CCDC7: variants seen among roughly 807,000 people sequenced by gnomAD.
The protein encoded by CCDC7 is coiled-coil domain-containing protein 7.
In CCDC7, 183 loss-of-function variants were observed where a neutral mutation model predicts 196.9. That is an observed-to-expected ratio of 0.93 (90% CI 0.82 to 1.05). CCDC7 has a LOEUF of 1.05. CCDC7 is among the 50% of genes least tolerant of loss of function. The pLI is 0.00. For missense variants in CCDC7, 1,540 were observed against 1,482.2 expected, an observed-to-expected ratio of 1.04 and a Z score of -0.64; for synonymous variants, 525 against 484.6, an observed-to-expected ratio of 1.08 and a Z score of -1.10.
intron 18 of CCDC7, among the ~76,000 whole-genome samples, chr10:32,605,863 C>G (rs1262754820): frequency 1.5e-5 from 2 of 137,632 alleles, no homozygotes; most frequent in African/African-American, 5.1e-5. Flanking sequence ...AAAAGAAAAG[C>G]CTGTTTTCAG....
At chr10:32,736,512 G>A (rs1313970672) in intron 28 of CCDC7, among the ~76,000 whole-genome samples, 2 of 152,032 alleles carry the variant, frequency 1.3e-5, no homozygotes, top group East Asian at 1.9e-4. Context: ...CTAGCATTAG[G>A]TATATCTCCC....
chr10:32,658,293 A>C (rs2070421308), intron 20 of CCDC7, among the ~76,000 whole-genome samples: 1 of 152,236 alleles, frequency 6.6e-6, no homozygotes, highest in Non-Finnish European at 1.5e-5. Flanking sequence ...TAGGTAATTT[A>C]TAGAAAAGAA....
intron 18 of CCDC7, among the ~76,000 whole-genome samples, chr10:32,617,648 AG>A (rs2062926748): frequency 6.6e-6 from 1 of 152,066 alleles, no homozygotes; most frequent in African/African-American, 2.4e-5. Flanking sequence ...TAGTCTGAGA[AG>A]ACACTTGATA....
At chr10:32,483,185 A>G (rs2040316623) in intron 8 of CCDC7, among the ~76,000 whole-genome samples, 1 of 152,186 alleles carries the variant, frequency 6.6e-6, no homozygotes, top group Non-Finnish European at 1.5e-5. Flanking sequence ...TTTAATGATC[A>G]CCATTCTAAC....
At chr10:32,476,718 A>G (rs1360018304) in intron 8 of CCDC7, among the ~76,000 whole-genome samples, 1 of 152,240 alleles carries the variant, frequency 6.6e-6, no homozygotes, top group African/African-American at 2.4e-5. Flanking sequence ...CTTTGTCAGC[A>G]TTTAGAATTG....
intron 13 of CCDC7, among the ~76,000 whole-genome samples, chr10:32,549,825 A>G (rs1321029516): frequency 2.0e-5 from 3 of 152,108 alleles, no homozygotes; most frequent in African/African-American, 7.2e-5. Context: ...GCCTTATAGT[A>G]TAGTTTGAAA....
chr10:32,812,869 A>G (rs2087470731), intron 30 of CCDC7, among the ~76,000 whole-genome samples: 1 of 152,126 alleles, frequency 6.6e-6, no homozygotes, highest in African/African-American at 2.4e-5. Flanking sequence ...AGAAAGAACA[A>G]AGGAAGCTAA....
intron 6 of CCDC7, 95 bp downstream of exon 7, chr10:32,471,325 A>G: frequency 2.1e-6 from 3 of 1,399,612 alleles, no homozygotes; most frequent in Admixed American, 5.8e-5. Context: ...TATGATGGCT[A>G]TACACAGAGC....
At chr10:32,566,067 AT>A (rs2136902976) in intron 14 of CCDC7, among the ~76,000 whole-genome samples, 1 of 152,316 alleles carries the variant, frequency 6.6e-6, no homozygotes, top group Non-Finnish European at 1.5e-5. Flanking sequence ...AGCTATAAGC[AT>A]TTCATAAATG....
At chr10:32,508,443 A>G (rs1028643384) in intron 9 of CCDC7, among the ~76,000 whole-genome samples, 1 of 152,236 alleles carries the variant, frequency 6.6e-6, no homozygotes, top group African/African-American at 2.4e-5. Flanking sequence ...AAGAGTTAAT[A>G]GTGTTGCAAA....
intron 33 of CCDC7, among the ~76,000 whole-genome samples, chr10:32,841,218 T>C (rs2092950167): frequency 6.6e-6 from 1 of 152,042 alleles, no homozygotes; most frequent in Admixed American, 6.6e-5. Flanking sequence ...TGTAACTGTT[T>C]GCTGATGATA....
At chr10:32,710,659 G>T (rs1401725001) in intron 24 of CCDC7, among the ~76,000 whole-genome samples, 1 of 152,176 alleles carries the variant, frequency 6.6e-6, no homozygotes, top group Non-Finnish European at 1.5e-5. Flanking sequence ...CCATGGGACA[G>T]TCAGACTCTT....
intron 9 of CCDC7, chr10:32,512,022 A>G: frequency 5.2e-6 from 2 of 385,476 alleles, no homozygotes; most frequent in South Asian, 6.7e-5. Flanking sequence ...CATATTCTTC[A>G]GGATCTTGTC....
chr10:32,474,676 G>A (rs1340031159), intron 8 of CCDC7, among the ~76,000 whole-genome samples: 1 of 152,124 alleles, frequency 6.6e-6, no homozygotes, highest in African/African-American at 2.4e-5. Context: ...TTTGTTACTA[G>A]GAATTATATC....
intron 29 of CCDC7, among the ~76,000 whole-genome samples, chr10:32,782,618 T>C (rs2081243089): frequency 6.6e-6 from 1 of 152,216 alleles, no homozygotes; most frequent in Non-Finnish European, 1.5e-5. Flanking sequence ...CCATAATACT[T>C]ATGAGGTTAT....
intron 28 of CCDC7, among the ~76,000 whole-genome samples, chr10:32,774,418 C>G (rs2079640784): frequency 6.6e-6 from 1 of 152,196 alleles, no homozygotes; most frequent in Non-Finnish European, 1.5e-5. Flanking sequence ...ACTGAACATT[C>G]ACCTCCAATT....
chr10:32,817,133 A>G (rs1233730847), intron 31 of CCDC7, among the ~76,000 whole-genome samples: 1 of 152,200 alleles, frequency 6.6e-6, no homozygotes, highest in Non-Finnish European at 1.5e-5. Flanking sequence ...AATGCAGAGA[A>G]GTCCTTAAAG....
intron 10 of CCDC7, 117 bp downstream of exon 11, chr10:32,518,092 A>G (rs781078561): frequency 1.2e-5 from 16 of 1,317,464 alleles, no homozygotes; most frequent in Non-Finnish European, 1.5e-5. Flanking sequence ...TAGTTTATTT[A>G]AGAGATTTGT....
chr10:32,500,316 C>T (rs1025718817), intron 9 of CCDC7, among the ~76,000 whole-genome samples: 1 of 152,112 alleles, frequency 6.6e-6, no homozygotes, highest in East Asian at 2.0e-4. Flanking sequence ...CGGAGGGGCT[C>T]CTCACTTCTC....
Sources: gnomAD v4.1 joint callset for allele counts (sites outside exome capture counted in the v4.1 genomes callset) on GRCh38, gnomAD v4.1.1 for gene constraint, MANE v1.5 for transcripts, NCBI Gene and HGNC (gene_info 2026-07-23, HGNC 2026-07-21) for gene names.